Variants in ATF7 observed in about 807,000 individuals in gnomAD.
ATF7 encodes cyclic AMP-dependent transcription factor ATF-7.
ATF7 carries 10 observed loss-of-function variants against 50.4 expected under a neutral mutation model. That is an observed-to-expected ratio of 0.20 (90% CI 0.12 to 0.34). The LOEUF is 0.34. Among genes scored for constraint, ATF7 ranks in the 10% least tolerant of loss-of-function variants. The pLI is 1.00. For missense variants in ATF7, 465 were observed against 613.9 expected, an observed-to-expected ratio of 0.76 and a Z score of 2.56; for synonymous variants, 201 against 226.4, an observed-to-expected ratio of 0.89 and a Z score of 1.01.
chr12:53,524,641 G>A lies in ATF7; in HGVS notation c.1048C>T (p.Arg350Cys), dbSNP rs1938330345. The A allele has an allele frequency of 6.2e-7, 1 of 1,613,842 alleles. No individual in the cohort carries two copies. The highest frequency in any genetic ancestry group is 8.5e-7 in the Non-Finnish European group (1 of 1,179,892). The change falls in exon 10 of 12, where the codon CGC becomes TGC. Residue 350 changes from arginine (R) to cysteine (C), a missense_variant. Physicochemically the swap from Arg to Cys is radical, Grantham distance 180. Transcript: ENST00000420353. The surrounding 1 kb of genome is among the most constrained non-coding windows in gnomAD (Gnocchi z 4.6). ...ERNRAAASRC[R>C]QKRKLWVSSL... ...GACACCCACAGCTTTCGCTTTTGGCGGCAGCGGGAGGCTGCAGCCCGGTTG... is the reference window on the plus strand; with the variant it reads ...GACACCCACAGCTTTCGCTTTTGGCAGCAGCGGGAGGCTGCAGCCCGGTTG...
In ATF7 at chr12:53,524,509, C is replaced by A; in HGVS notation, c.1125+55G>T. ...CAAATTGTACCACTTTTTTCTGATT[C>A]CATCCCACTTTCTGGATTTTCAACA... On this transcript the variant is annotated intron_variant, in intron 10 of 11. Coordinates refer to ENST00000420353, the MANE Select transcript of ATF7 (RefSeq NM_006856.3). The surrounding 1 kb of genome is among the most constrained non-coding windows in gnomAD (Gnocchi z 4.6). The A allele has an allele frequency of 6.3e-7, 1 of 1,588,552 alleles. No homozygotes were observed. Among genetic ancestry groups the A allele is most frequent in the South Asian group, 1.1e-5 (1 of 89,402 alleles).
rs974996985 is a variant in ATF7 at position 53,626,274 on chromosome 12, C to G, written c.-22+5G>C. 6.5e-6 allele frequency: 1 copy of G among 152,910 alleles called. No individual in the cohort carries two copies. The highest frequency in any genetic ancestry group is 2.4e-5 in the African/African-American group (1 of 41,478). 9.5% of individuals were successfully genotyped at this position (152,910 alleles called of 1,614,324 possible). A position where few individuals can be genotyped will look rare whatever the true frequency, so the allele number is the denominator to read the frequency against. Reference sequence around the variant, plus strand: ...CATGGACTAGCTAATGTTAAAAGGACTTACCGGCTGGTAGCTCCGTTGCCT... The same window carrying G: ...CATGGACTAGCTAATGTTAAAAGGAGTTACCGGCTGGTAGCTCCGTTGCCT... On this transcript the variant is annotated splice_donor_5th_base_variant and intron_variant, in intron 1 of 11. Transcript: ENST00000420353.
chr12:53,543,593 C>G, intron 3 of ATF7, 145 bp from the exon 4 acceptor site: 1 of 851,886 alleles, frequency 1.2e-6, no homozygotes, highest in South Asian at 1.8e-5. Flanking sequence ...TAATGGAGCT[C>G]TAGTAGGCGA....
intron 1 of ATF7, among the ~76,000 whole-genome samples, chr12:53,618,572 C>G (rs1485826521): frequency 6.6e-6 from 1 of 152,090 alleles, no homozygotes; most frequent in Non-Finnish European, 1.5e-5. Flanking sequence ...TGCTGCCTGC[C>G]AATGTAAAGT....
At chr12:53,605,297 G>A (rs1232649297) in intron 1 of ATF7, among the ~76,000 whole-genome samples, 4 of 149,718 alleles carry the variant, frequency 2.7e-5, no homozygotes, top group African/African-American at 4.9e-5. Flanking sequence ...GCTGAGGCAG[G>A]AGAATTGCTT....
chr12:53,564,754 C>A (rs749494139), intron 2 of ATF7, among the ~76,000 whole-genome samples: 1 of 152,194 alleles, frequency 6.6e-6, no homozygotes, highest in Non-Finnish European at 1.5e-5. Context: ...GGTTTAATAG[C>A]AATGCATTAT....
Position 53,578,802 on chromosome 12 carries a change from AAT to A in ATF7, c.48+22149_48+22150del, listed in dbSNP as rs1316028924. ...CTGTCTCAAAAAAAAAAAAAAAAAA[AAT>A]ATCTGGGATTCGAATCAGCCCTCTC... On this transcript the variant is annotated intron_variant, in intron 2 of 11. Coordinates refer to ENST00000420353, the MANE Select transcript of ATF7 (RefSeq NM_006856.3). Among the ~76,000 whole-genome samples, 332 of 151,398 alleles carry A rather than the reference AAT, an allele frequency of 2.2e-3. 3 individuals carry two copies. The highest frequency in any genetic ancestry group is 2.6e-3 in the Admixed American group (39 of 15,154).
chr12:53,558,003 C>T (rs1339943993), intron 2 of ATF7, among the ~76,000 whole-genome samples: 1 of 152,166 alleles, frequency 6.6e-6, no homozygotes, highest in Non-Finnish European at 1.5e-5. Flanking sequence ...TCAAAACTTA[C>T]CTATGTGGCT....
intron 2 of ATF7, among the ~76,000 whole-genome samples, chr12:53,562,308 C>T (rs1263276991): frequency 6.6e-6 from 1 of 152,168 alleles, no homozygotes; most frequent in Non-Finnish European, 1.5e-5. Flanking sequence ...TAGCACGTCT[C>T]ACTAAAGTGC....
At chr12:53,535,759 G>A (rs998968030) in intron 5 of ATF7, among the ~76,000 whole-genome samples, 16 of 151,900 alleles carry the variant, frequency 1.1e-4, no homozygotes, top group East Asian at 3.9e-4. Flanking sequence ...ACATTTTTTC[G>A]AAACTGTTAG....
intron 2 of ATF7, among the ~76,000 whole-genome samples, chr12:53,581,211 CAA>C (rs1304521288): frequency 6.6e-6 from 1 of 152,084 alleles, no homozygotes; most frequent in Admixed American, 6.6e-5. Flanking sequence ...GACAGAACTG[CAA>C]AGAGACAGAT....
In ATF7 at chr12:53,534,674, C is replaced by G. The variant is rs192668495; in HGVS notation, c.403-15G>C. ...GGGGTAACCTCCTGGAGAAAAGAAA[C>G]CAACAGATCACAAAATGTTTTAAGG... On this transcript the variant is annotated splice_polypyrimidine_tract_variant and intron_variant, in intron 5 of 11. Coordinates refer to ENST00000420353, the MANE Select transcript of ATF7 (RefSeq NM_006856.3). 3 of 1,606,928 alleles carry G rather than the reference C, an allele frequency of 1.9e-6. No homozygotes were observed. Among genetic ancestry groups the G allele is most frequent in the Non-Finnish European group, 2.5e-6 (3 of 1,178,016 alleles).
intron 2 of ATF7, among the ~76,000 whole-genome samples, chr12:53,556,052 G>A (rs183299669): frequency 6.6e-6 from 1 of 152,164 alleles, no homozygotes; most frequent in East Asian, 1.9e-4. Context: ...CCGACCTCAG[G>A]TGATCCACCC....
Position 53,537,495 on chromosome 12 carries a change from CTTT to C in ATF7, c.319_321del (p.Lys107del). The C allele has an allele frequency of 6.2e-7, 1 of 1,613,662 alleles. No individual in the cohort carries two copies. Among genetic ancestry groups the C allele is most frequent in the Non-Finnish European group, 8.5e-7 (1 of 1,179,858 alleles). Reference sequence around the variant, plus strand: ...GAGTCTACCTCCACTGGCTCTTCTTCTTTGATTTTGATGTCTGGTGTGGAAGGC... The same window carrying C: ...GAGTCTACCTCCACTGGCTCTTCTTCGATTTTGATGTCTGGTGTGGAAGGC... On this transcript the variant is annotated inframe_deletion, in exon 5 of 12. Coordinates refer to ENST00000420353, the MANE Select transcript of ATF7 (RefSeq NM_006856.3).
intron 3 of ATF7, among the ~76,000 whole-genome samples, chr12:53,546,596 A>G (rs1333058340): frequency 6.8e-6 from 1 of 147,878 alleles, no homozygotes; most frequent in Non-Finnish European, 1.5e-5. Flanking sequence ...TTACAGGTGC[A>G]TGCCACCATG....
chr12:53,542,552 G>A (rs1231425140), intron 4 of ATF7, among the ~76,000 whole-genome samples: 2 of 152,108 alleles, frequency 1.3e-5, no homozygotes, highest in Admixed American at 6.5e-5. Context: ...TCAGCCTCCC[G>A]AGTAGCTAGG....
At chr12:53,535,029 T>C (rs1198269174) in intron 5 of ATF7, among the ~76,000 whole-genome samples, 2 of 152,058 alleles carry the variant, frequency 1.3e-5, no homozygotes, top group Non-Finnish European at 2.9e-5. Context: ...TGAACTTCAG[T>C]GGGAAAAGGC....
intron 1 of ATF7, among the ~76,000 whole-genome samples, chr12:53,621,341 A>C (rs752461345): frequency 1.4e-4 from 21 of 152,220 alleles, no homozygotes; most frequent in Non-Finnish European, 2.5e-4. Context: ...GTGACCTAAA[A>C]CAAAAACACA....
intron 10 of ATF7, among the ~76,000 whole-genome samples, chr12:53,523,955 G>T (rs995036047): frequency 6.6e-6 from 1 of 152,100 alleles, no homozygotes; most frequent in Non-Finnish European, 1.5e-5. Flanking sequence ...AAATATTTAG[G>T]AATATGAATC....
Sources: allele counts gnomAD v4.1 joint callset (sites outside exome capture counted in the v4.1 genomes callset), GRCh38; gene constraint gnomAD v4.1.1; non-coding constraint Gnocchi (gnomAD v3.1); transcripts MANE v1.5; gene names NCBI Gene and HGNC (gene_info 2026-07-23, HGNC 2026-07-21).